NFIL3: variants seen among roughly 807,000 people sequenced by gnomAD.
NFIL3 encodes the protein nuclear factor interleukin-3-regulated protein.
Under a neutral mutation model 10.0 loss-of-function variants are expected in NFIL3, and 5 were observed. The observed-to-expected ratio is 0.50, with a 90% CI of 0.26 to 1.06. The LOEUF (loss-of-function observed/expected upper bound fraction) is 1.06, where lower values mean the gene tolerates loss of function less well. Ranked by LOEUF, NFIL3 falls within the 50% of genes least tolerant of loss-of-function variation. The pLI is 0.13. For synonymous variants in NFIL3, 202 were observed against 206.5 expected, an observed-to-expected ratio of 0.98 and a Z score of 0.19; for missense variants, 436 against 547.6, an observed-to-expected ratio of 0.80 and a Z score of 2.03.
At chr9:91,467,320 C>T in the NFIL3 span, among the ~76,000 whole-genome samples, 29 of 152,002 alleles carry the variant, frequency 1.9e-4, no homozygotes, top group East Asian at 3.9e-3. Context: ...AAACATACAT[C>T]TTTTCAGTTT....
intron 1 of NFIL3, among the ~76,000 whole-genome samples, chr9:91,419,939 C>T (rs1401936466): frequency 1.3e-5 from 2 of 152,182 alleles, no homozygotes; most frequent in Non-Finnish European, 2.9e-5. Flanking sequence ...TACAAGAGAG[C>T]TTATCTGTGG....
chr9:91,449,878 C>T, the NFIL3 span, among the ~76,000 whole-genome samples: 4 of 152,008 alleles, frequency 2.6e-5, no homozygotes, highest in African/African-American at 9.7e-5. Flanking sequence ...TTAATCTCTT[C>T]ACTTGTTATA....
At chr9:91,454,985 T>C in the NFIL3 span, among the ~76,000 whole-genome samples, 2 of 152,374 alleles carry the variant, frequency 1.3e-5, no homozygotes, top group East Asian at 3.9e-4. Context: ...AGGGACATCA[T>C]GGTGAACACA....
chr9:91,412,455 T>C (rs1234552301), intron 1 of NFIL3, among the ~76,000 whole-genome samples: 1 of 152,186 alleles, frequency 6.6e-6, no homozygotes, highest in East Asian at 1.9e-4. Context: ...CTCTGCCTAA[T>C]GTTCCAGTCA....
the NFIL3 span, among the ~76,000 whole-genome samples, chr9:91,481,073 G>T: frequency 6.6e-6 from 1 of 152,100 alleles, no homozygotes; most frequent in Admixed American, 6.5e-5. Context: ...CAGAAATAAC[G>T]TGTTTTTAAA....
At chr9:91,423,853 CG>C (rs1833823071), upstream of NFIL3, 1 of 144,724 alleles carries the variant, frequency 6.9e-6, no homozygotes, top group African/African-American at 2.5e-5. Flanking sequence ...TTCCGAGCGC[CG>C]CGCTACGTCG....
chr9:91,460,823 T>C, the NFIL3 span, among the ~76,000 whole-genome samples: 35 of 152,194 alleles, frequency 2.3e-4, no homozygotes, highest in Non-Finnish European at 4.0e-4. Flanking sequence ...GGTAAGTGCA[T>C]TGGGCACCCT....
chr9:91,473,077 A>T, the NFIL3 span, among the ~76,000 whole-genome samples: 1 of 152,130 alleles, frequency 6.6e-6, no homozygotes, highest in African/African-American at 2.4e-5. Flanking sequence ...CTTCCCATGG[A>T]AGCTGCATCT....
chr9:91,463,959 C>A, the NFIL3 span, among the ~76,000 whole-genome samples: 160 of 152,174 alleles, frequency 1.1e-3, 1 homozygote, highest in African/African-American at 3.7e-3. Flanking sequence ...AAAAATAGAA[C>A]TGTTCCAGCT....
the NFIL3 span, among the ~76,000 whole-genome samples, chr9:91,473,432 C>A: frequency 4.6e-5 from 7 of 152,262 alleles, no homozygotes; most frequent in African/African-American, 1.7e-4. Flanking sequence ...CCTCCCCCAG[C>A]CTAGGCTGCC....
At chr9:91,474,086 G>T in the NFIL3 span, among the ~76,000 whole-genome samples, 187 of 143,336 alleles carry the variant, frequency 1.3e-3, 1 homozygote, top group African/African-American at 3.6e-3. Flanking sequence ...TAGGGTTTTT[G>T]TTTTTTTTTT....
chr9:91,469,478 A>G, the NFIL3 span, among the ~76,000 whole-genome samples: 1 of 152,206 alleles, frequency 6.6e-6, no homozygotes, highest in African/African-American at 2.4e-5. Flanking sequence ...ATCTGCAAAC[A>G]AGGACAATTT....
At chr9:91,426,430 G>A (rs1193758732), upstream of NFIL3, 1 of 152,168 alleles carries the variant, frequency 6.6e-6, no homozygotes, top group Non-Finnish European at 1.5e-5. Flanking sequence ...AGTAAATGGA[G>A]CATAAAAACC....
At chr9:91,462,012 G>C in the NFIL3 span, among the ~76,000 whole-genome samples, 28 of 151,988 alleles carry the variant, frequency 1.8e-4, no homozygotes, top group Non-Finnish European at 4.1e-4. Context: ...AATGGGGGGA[G>C]GTTATTCAAT....
the NFIL3 span, among the ~76,000 whole-genome samples, chr9:91,431,088 T>G: frequency 6.6e-6 from 1 of 152,140 alleles, no homozygotes; most frequent in Admixed American, 6.5e-5. Context: ...TTTTGCAAAG[T>G]CGGCATGGGA....
At chr9:91,425,595 C>T (rs1833864393), upstream of NFIL3, among the ~76,000 whole-genome samples, 1 of 152,218 alleles carries the variant, frequency 6.6e-6, no homozygotes, top group African/African-American at 2.4e-5. Flanking sequence ...AACTTGACTA[C>T]CTTCATGAGA....
the NFIL3 span, among the ~76,000 whole-genome samples, chr9:91,477,613 C>T: frequency 2.2e-4 from 34 of 152,250 alleles, no homozygotes; most frequent in African/African-American, 7.9e-4. Flanking sequence ...AAAAATCAAT[C>T]GCTTTCCAAT....
the NFIL3 span, among the ~76,000 whole-genome samples, chr9:91,464,468 G>A: frequency 6.6e-6 from 1 of 151,978 alleles, no homozygotes; most frequent in Non-Finnish European, 1.5e-5. Flanking sequence ...TGACATTGCT[G>A]TCATTCATTT....
At chr9:91,471,577 T>C in the NFIL3 span, among the ~76,000 whole-genome samples, 1 of 151,892 alleles carries the variant, frequency 6.6e-6, no homozygotes, top group Non-Finnish European at 1.5e-5. Flanking sequence ...GTTTGTTACA[T>C]ATGTATACAT....
Sources: gnomAD v4.1 joint callset for allele counts (sites outside exome capture counted in the v4.1 genomes callset) on GRCh38, gnomAD v4.1.1 for gene constraint, MANE v1.5 for transcripts, NCBI Gene and HGNC (gene_info 2026-07-23, HGNC 2026-07-21) for gene names.